The following TMEM229B variants were observed in gnomAD, a reference collection of about 807,000 sequenced individuals.
TMEM229B encodes chromosome 14 open reading frame 83.
A neutral mutation model predicts 13.7 loss-of-function variants in TMEM229B; 6 were observed. The observed-to-expected ratio is 0.44, with a 90% CI of 0.24 to 0.86. The LOEUF is 0.86. TMEM229B is among the 40% of genes least tolerant of loss of function. The pLI, the probability that TMEM229B is intolerant of heterozygous loss-of-function variation, is 0.23. For missense variants in TMEM229B, 170 were observed against 236.0 expected (o/e 0.72, Z 1.83); for synonymous variants, 107 against 102.1 (o/e 1.05, Z -0.29).
intron 1 of TMEM229B, among the ~76,000 whole-genome samples, chr14:67,497,188 G>A (rs1368915995): frequency 6.6e-6 from 1 of 152,168 alleles, no homozygotes; most frequent in East Asian, 1.9e-4. Flanking sequence ...TGTATATGCT[G>A]CGGGCACACA....
At chr14:67,474,258 A>C (rs886430601) in intron 2 of TMEM229B, among the ~76,000 whole-genome samples, 1 of 109,008 alleles carries the variant, frequency 9.2e-6, no homozygotes, top group East Asian at 2.2e-4. Flanking sequence ...TCTCCAAAAA[A>C]ACAAAACAAA....
chr14:67,490,409 C>T (rs7149727), upstream of TMEM229B, among the ~76,000 whole-genome samples: 28,371 of 152,134 alleles, frequency 0.19, 2,982 homozygotes, highest in African/African-American at 0.27. Context: ...ACAGACTGTT[C>T]CAGGCATCAG....
rs903677194 is a variant in TMEM229B at position 67,473,858 on chromosome 14, G to A, written c.66C>T (p.Phe22=). The change falls in exon 3 of 3, where the codon TTC becomes TTT. Residue 22 remains phenylalanine (F), a synonymous_variant. Transcript: ENST00000554480. The surrounding 1 kb of genome is among the most constrained non-coding windows in gnomAD (Gnocchi z 6.5). ...AGGCCGCTGTGAACATCACCTCGCA[G>A]AAGTAGCCGTGGATGGCATACAGGT... ...RWYLYAIHGY[F]CEVMFTAAWE... 4 of 1,612,604 alleles carry A rather than the reference G, an allele frequency of 2.5e-6. No homozygotes were observed. Among genetic ancestry groups the A allele is most frequent in the Non-Finnish European group, 3.4e-6 (4 of 1,179,506 alleles).
intron 2 of TMEM229B, among the ~76,000 whole-genome samples, chr14:67,482,483 C>T (rs551947672): frequency 2.0e-5 from 3 of 152,266 alleles, no homozygotes; most frequent in African/African-American, 7.2e-5. Context: ...GAAGGCCTTC[C>T]GCTTTCACTC....
chr14:67,478,180 G>A (rs1259970709), intron 2 of TMEM229B, among the ~76,000 whole-genome samples: 1 of 152,204 alleles, frequency 6.6e-6, no homozygotes, highest in Non-Finnish European at 1.5e-5. Flanking sequence ...CTCCTCCGGG[G>A]CCCAGTGGAC....
At chr14:67,516,150 C>G (rs563196191), upstream of TMEM229B, among the ~76,000 whole-genome samples, 52 of 152,272 alleles carry the variant, frequency 3.4e-4, no homozygotes, top group African/African-American at 1.2e-3. Context: ...GGTCCTGGGT[C>G]CTGCAGAAAG....
intron 2 of TMEM229B, among the ~76,000 whole-genome samples, chr14:67,478,882 A>G (rs1348633829): frequency 6.6e-6 from 1 of 151,696 alleles, no homozygotes; most frequent in African/African-American, 2.4e-5. Context: ...CAGCCTCCTG[A>G]GGAATGCTTG....
At chr14:67,532,345 T>C (rs1431100743) in intron 1 of TMEM229B, among the ~76,000 whole-genome samples, 1 of 152,210 alleles carries the variant, frequency 6.6e-6, no homozygotes, top group African/African-American at 2.4e-5. Flanking sequence ...ACAGAGAGCC[T>C]GCAGGGTTGA....
At chr14:67,486,600 T>G (rs2031896592) in intron 2 of TMEM229B, among the ~76,000 whole-genome samples, 1 of 152,136 alleles carries the variant, frequency 6.6e-6, no homozygotes, top group African/African-American at 2.4e-5. Flanking sequence ...AGGGAGAGTT[T>G]CCCTGCACAA....
chr14:67,514,472 C>T (rs2033132616), intron 1 of TMEM229B, among the ~76,000 whole-genome samples: 1 of 152,110 alleles, frequency 6.6e-6, no homozygotes, highest in African/African-American at 2.4e-5. Flanking sequence ...GGGCTGGGCC[C>T]CAGGACACGG....
chr14:67,473,573 G>T lies in TMEM229B; in HGVS notation c.351C>A (p.Thr117=). ...QFDFDFMGLI[T]LEYAVPWFCG... ...AGAACCAGGGCACGGCGTACTCCAG[G>T]GTGATGAGGCCCATGAAGTCAAAGT... The change falls in exon 3 of 3, where the codon ACC becomes ACA. Residue 117 remains threonine, a synonymous_variant. Coordinates refer to ENST00000554480, the MANE Select transcript of TMEM229B (RefSeq NM_001348543.2). The surrounding 1 kb of genome is among the most constrained non-coding windows in gnomAD (Gnocchi z 6.5). The T allele has an allele frequency of 6.2e-7, 1 of 1,612,572 alleles. No individual in the cohort carries two copies.
chr14:67,480,209 G>A (rs1332491458), intron 2 of TMEM229B, among the ~76,000 whole-genome samples: 1 of 152,134 alleles, frequency 6.6e-6, no homozygotes, highest in African/African-American at 2.4e-5. Context: ...CTTACCCGAT[G>A]CAGGGTCACT....
rs186557544 is a variant in TMEM229B, at chr14:67,529,850, C to A, written c.-192+3786G>T. 1.9e-3 allele frequency among the ~76,000 whole-genome samples: 285 copies of A among 152,328 alleles called. 3 individuals are homozygous for A. The highest frequency in any genetic ancestry group is 5.3e-3 in the Admixed American group (81 of 15,298). ...CTGGACTAGGACTGGCCCCAAGTTT[C>A]CTGGGAGTCTGAAACTCCCTTCTCC... On this transcript the variant is annotated intron_variant, in intron 1 of 2. Transcript: ENST00000554278.
intron 1 of TMEM229B, among the ~76,000 whole-genome samples, chr14:67,514,767 C>T (rs2033144491): frequency 6.6e-6 from 1 of 152,136 alleles, no homozygotes; most frequent in African/African-American, 2.4e-5. Context: ...CCCCCTGACA[C>T]CCCTTTGTTT....
chr14:67,481,925 G>A (rs994911794), intron 2 of TMEM229B, among the ~76,000 whole-genome samples: 2 of 152,226 alleles, frequency 1.3e-5, no homozygotes, highest in East Asian at 3.8e-4. Flanking sequence ...GGACAGCCCA[G>A]GAACAGAAAT....
intron 1 of TMEM229B, among the ~76,000 whole-genome samples, chr14:67,494,771 C>T (rs992590255): frequency 6.6e-6 from 1 of 152,112 alleles, no homozygotes; most frequent in Non-Finnish European, 1.5e-5. Context: ...CGAAGGCTCG[C>T]CCAACATTTG....
intron 1 of TMEM229B, among the ~76,000 whole-genome samples, chr14:67,522,111 T>C (rs139601153): frequency 1.2e-4 from 19 of 152,280 alleles, no homozygotes; most frequent in Non-Finnish European, 2.1e-4. Context: ...AGGCGGAGGT[T>C]GCAGTGAGCT....
At position 67,477,638 on chromosome 14, in the gene TMEM229B, C is replaced by T. The variant is rs114759976; in HGVS notation, c.-18-3697G>A. 2.9e-3 allele frequency among the ~76,000 whole-genome samples: 442 copies of T among 152,220 alleles called. 1 individual carries two copies. The highest frequency in any genetic ancestry group is 7.5e-3 in the African/African-American group (312 of 41,528). ...TCCCAAACTCCTTTCCTAAATCAAACCCATGGGCAGGTGTGGTGGCTTATG... is the reference window on the plus strand; with the variant it reads ...TCCCAAACTCCTTTCCTAAATCAAATCCATGGGCAGGTGTGGTGGCTTATG... On this transcript the variant is annotated intron_variant, in intron 2 of 2. Coordinates refer to ENST00000554480, the MANE Select transcript of TMEM229B (RefSeq NM_001348543.2).
At chr14:67,483,768 C>T (rs917159941) in intron 2 of TMEM229B, among the ~76,000 whole-genome samples, 3 of 152,332 alleles carry the variant, frequency 2.0e-5, no homozygotes, top group African/African-American at 4.8e-5. Context: ...TCAGATGGCC[C>T]GGCCCAGCCC....
Sources: allele counts gnomAD v4.1 joint callset (sites outside exome capture counted in the v4.1 genomes callset), GRCh38; gene constraint gnomAD v4.1.1; non-coding constraint Gnocchi (gnomAD v3.1); transcripts MANE v1.5; gene names NCBI Gene and HGNC (gene_info 2026-07-23, HGNC 2026-07-21).